Variants in CELF4 observed in about 807,000 individuals in gnomAD.
The protein encoded by CELF4 is CUGBP Elav-like family member 4.
A neutral mutation model predicts 59.9 loss-of-function variants in CELF4; 18 were observed. The ratio of observed to expected loss-of-function variants is 0.30; its 90% CI spans 0.21 to 0.45. The LOEUF (loss-of-function observed/expected upper bound fraction) is 0.45, where lower values mean the gene tolerates loss of function less well. Among genes scored for constraint, CELF4 ranks in the 20% least tolerant of loss-of-function variants. The pLI is 1.00. For missense variants in CELF4, 456 were observed against 689.0 expected (o/e 0.66, Z 3.79); for synonymous variants, 261 against 267.1 (o/e 0.98, Z 0.22).
At chr18:37,372,106 T>C (rs2098898299) in intron 2 of CELF4, among the ~76,000 whole-genome samples, 1 of 152,198 alleles carries the variant, frequency 6.6e-6, no homozygotes, top group South Asian at 2.1e-4. Flanking sequence ...AGAAATACCA[T>C]TTGACCCAGC....
chr18:37,279,868 T>A (rs2093901700), intron 3 of CELF4, among the ~76,000 whole-genome samples: 1 of 152,218 alleles, frequency 6.6e-6, no homozygotes, highest in South Asian at 2.1e-4. Context: ...CACAGGAGGT[T>A]GCCCATAGCT....
intron 2 of CELF4, among the ~76,000 whole-genome samples, chr18:37,416,371 C>T (rs1379263057): frequency 1.3e-5 from 2 of 151,538 alleles, no homozygotes; most frequent in African/African-American, 2.4e-5. Context: ...CTGGGTTTCA[C>T]CTCCAGGAGC....
chr18:37,359,052 C>T lies in CELF4; in HGVS notation c.370-37171G>A, dbSNP rs1417129163. 3.3e-5 allele frequency among the ~76,000 whole-genome samples: 5 copies of T among 152,120 alleles called. No individual in the cohort carries two copies. The South Asian group carries it at 6.2e-4, about 19-fold the overall frequency. ...GGTGGAGGTTGTAGTGAGCCAAGAT[C>T]GCCCCACTGTACTCCAGCCTGGGCG... is the stretch of plus-strand genomic sequence containing the variant. On this transcript the variant is annotated intron_variant, in intron 2 of 12. Coordinates refer to ENST00000420428, the MANE Select transcript of CELF4 (RefSeq NM_020180.4).
chr18:37,356,072 G>T (rs2098558068), intron 2 of CELF4, among the ~76,000 whole-genome samples: 1 of 152,184 alleles, frequency 6.6e-6, no homozygotes, highest in African/African-American at 2.4e-5. Context: ...TAGTATGGGT[G>T]CACTGAGGCC....
chr18:37,358,270 T>G (rs539118675), intron 2 of CELF4, among the ~76,000 whole-genome samples: 2 of 152,224 alleles, frequency 1.3e-5, no homozygotes, highest in African/African-American at 4.8e-5. Flanking sequence ...AGTGAGTAAG[T>G]CTCACAAGAT....
chr18:37,556,054 TCA>T (rs2099984697), intron 1 of CELF4, among the ~76,000 whole-genome samples: 1 of 152,332 alleles, frequency 6.6e-6, no homozygotes, highest in Admixed American at 6.5e-5. Flanking sequence ...GGTAGCAGAA[TCA>T]CAGAGTTCCT....
chr18:37,547,160 G>GTGT (rs61235122), intron 1 of CELF4, among the ~76,000 whole-genome samples: 2,475 of 144,118 alleles, frequency 0.017, 23 homozygotes, highest in South Asian at 0.034. Context: ...GTGTGTGTGT[G>GTGT]GTGTGTGTGT....
intron 1 of CELF4, among the ~76,000 whole-genome samples, chr18:37,527,350 A>G (rs1392822469): frequency 6.6e-6 from 1 of 151,998 alleles, no homozygotes; most frequent in Non-Finnish European, 1.5e-5. Flanking sequence ...GAGCCTCTAA[A>G]GTTATTCTTG....
At chr18:37,467,139 G>A (rs1320371455) in intron 2 of CELF4, among the ~76,000 whole-genome samples, 3 of 152,086 alleles carry the variant, frequency 2.0e-5, no homozygotes, top group Admixed American at 1.3e-4. Context: ...GTCATTATGG[G>A]GTATCAGAAA....
chr18:37,276,692 C>T (rs1024823774), intron 3 of CELF4: 3 of 152,162 alleles, frequency 2.0e-5, no homozygotes, highest in East Asian at 3.9e-4. Flanking sequence ...CATGCTGTGC[C>T]CTGTGAATTC....
chr18:37,331,919 C>T (rs2097558036), intron 2 of CELF4, among the ~76,000 whole-genome samples: 1 of 151,998 alleles, frequency 6.6e-6, no homozygotes, highest in Admixed American at 6.6e-5. Context: ...CCATGGAGGG[C>T]CTGAGCTTGT....
At chr18:37,424,879 C>T (rs982757844) in intron 2 of CELF4, among the ~76,000 whole-genome samples, 1 of 152,206 alleles carries the variant, frequency 6.6e-6, no homozygotes, top group African/African-American at 2.4e-5. Flanking sequence ...CTCTTGCTAC[C>T]TGCCTGCTAT....
chr18:37,513,570 T>C (rs1402554825), intron 1 of CELF4, among the ~76,000 whole-genome samples: 1 of 152,190 alleles, frequency 6.6e-6, no homozygotes, highest in East Asian at 1.9e-4. Flanking sequence ...GTCTCCATTC[T>C]TTCACTCACT....
chr18:37,283,300 A>C (rs1285827724), intron 3 of CELF4, among the ~76,000 whole-genome samples: 1 of 151,894 alleles, frequency 6.6e-6, no homozygotes, highest in African/African-American at 2.4e-5. Context: ...TGCTCTCCAC[A>C]AAACAGCAGA....
At chr18:37,493,017 C>T (rs746324822) in intron 1 of CELF4, among the ~76,000 whole-genome samples, 8 of 152,190 alleles carry the variant, frequency 5.3e-5, no homozygotes, top group Non-Finnish European at 8.8e-5. Flanking sequence ...GTTATTTCCA[C>T]CTGGATCTTC....
At chr18:37,308,321 G>T (rs2096521307) in intron 3 of CELF4, among the ~76,000 whole-genome samples, 1 of 152,210 alleles carries the variant, frequency 6.6e-6, no homozygotes, top group East Asian at 1.9e-4. Flanking sequence ...TGGCCAACTG[G>T]TTTCCTCCTT....
At chr18:37,418,899 G>A (rs1247372139) in intron 2 of CELF4, among the ~76,000 whole-genome samples, 2 of 152,218 alleles carry the variant, frequency 1.3e-5, no homozygotes, top group East Asian at 3.9e-4. Flanking sequence ...CTGAGCAAAG[G>A]TTAGGTGTGC....
intron 2 of CELF4, among the ~76,000 whole-genome samples, chr18:37,326,560 C>G (rs1250152433): frequency 6.6e-6 from 1 of 152,180 alleles, no homozygotes; most frequent in Non-Finnish European, 1.5e-5. Flanking sequence ...GTGTCTTCCT[C>G]CAGGTGCCTG....
At chr18:37,556,391 C>A (rs1156425590) in intron 1 of CELF4, among the ~76,000 whole-genome samples, 3 of 152,244 alleles carry the variant, frequency 2.0e-5, no homozygotes, top group Admixed American at 1.3e-4. Flanking sequence ...GGGTCTCAAC[C>A]TTCTGCACCA....
Sources: gnomAD v4.1 joint callset for allele counts (sites outside exome capture counted in the v4.1 genomes callset) on GRCh38, gnomAD v4.1.1 for gene constraint, MANE v1.5 for transcripts, NCBI Gene and HGNC (gene_info 2026-07-23, HGNC 2026-07-21) for gene names.